Variants in DLG2 observed in about 807,000 individuals in gnomAD.
DLG2 encodes disks large homolog 2.
DLG2 carries 45 observed loss-of-function variants against 132.5 expected under a neutral mutation model. The ratio of observed to expected loss-of-function variants is 0.34; its 90% CI spans 0.27 to 0.44. The LOEUF is 0.44. Among genes scored for constraint, DLG2 ranks in the 20% least tolerant of loss-of-function variants. DLG2 has a pLI of 1.00. For missense variants in DLG2, 1,045 were observed against 1,196.9 expected, an observed-to-expected ratio of 0.87 and a Z score of 1.87; for synonymous variants, 424 against 419.6, an observed-to-expected ratio of 1.01 and a Z score of -0.13.
chr11:83,980,810 G>A lies in DLG2; in HGVS notation c.920-168C>T, dbSNP rs551575765. Among the ~76,000 whole-genome samples the A allele has an allele frequency of 2.6e-5, 4 of 152,270 alleles. No individual in the cohort carries two copies. The South Asian group carries it at 8.3e-4, about 32-fold the overall frequency. ...TTTCAATCTCGTTATTTAAATATTT[G>A]AAGAATTGTTAATGCAAATGAGGCA... is the stretch of plus-strand genomic sequence containing the variant. On this transcript the variant is annotated intron_variant, in intron 11 of 27. Coordinates refer to ENST00000376104, the MANE Select transcript of DLG2 (RefSeq NM_001142699.3).
At chr11:83,949,152 CT>C (rs2084791710) in intron 14 of DLG2, among the ~76,000 whole-genome samples, 2 of 152,094 alleles carry the variant, frequency 1.3e-5, no homozygotes, top group Admixed American at 1.3e-4. Flanking sequence ...ATGAAACATT[CT>C]TTTTCTCTAA....
intron 3 of DLG2, among the ~76,000 whole-genome samples, chr11:85,396,612 C>A (rs575832405): frequency 6.6e-6 from 1 of 152,062 alleles, no homozygotes; most frequent in African/African-American, 2.4e-5. Flanking sequence ...AACCACAGCA[C>A]GAGCACTTCG....
chr11:84,973,328 C>A (rs188881031), intron 6 of DLG2, among the ~76,000 whole-genome samples: 572 of 152,232 alleles, frequency 3.8e-3, no homozygotes, highest in Non-Finnish European at 6.5e-3. Context: ...GTCAGGAGAA[C>A]TGAGAATTAA....
intron 7 of DLG2, among the ~76,000 whole-genome samples, chr11:84,312,620 T>C (rs896864379): frequency 6.6e-6 from 1 of 152,124 alleles, no homozygotes; most frequent in Non-Finnish European, 1.5e-5. Flanking sequence ...ATTGTGGTTA[T>C]CTGCAGCACT....
chr11:84,489,047 AT>A (rs1345184776), intron 7 of DLG2, among the ~76,000 whole-genome samples: 1 of 152,188 alleles, frequency 6.6e-6, no homozygotes, highest in Non-Finnish European at 1.5e-5. Flanking sequence ...ATTTCACATA[AT>A]ATTGTAAACC....
intron 26 of DLG2, among the ~76,000 whole-genome samples, chr11:83,464,839 A>G (rs1016740874): frequency 2.6e-5 from 4 of 152,138 alleles, no homozygotes; most frequent in African/African-American, 9.7e-5. Flanking sequence ...TTATTTTTCT[A>G]TTTCTGAAAC....
intron 3 of DLG2, among the ~76,000 whole-genome samples, chr11:85,437,100 T>C (rs1362421147): frequency 6.6e-6 from 1 of 152,074 alleles, no homozygotes; most frequent in Non-Finnish European, 1.5e-5. Context: ...AGTTGAATAC[T>C]GAAAACACAT....
At chr11:83,920,540 A>T (rs1032315128) in intron 15 of DLG2, among the ~76,000 whole-genome samples, 2 of 152,120 alleles carry the variant, frequency 1.3e-5, no homozygotes, top group Non-Finnish European at 2.9e-5. Flanking sequence ...CTTTTATAAC[A>T]GTCTTTTGAA....
At position 85,618,690 on chromosome 11, in the gene DLG2, C is replaced by T. The variant is rs537651423; in HGVS notation, c.-93+7897G>A. ...TGACAGAATCATTCATATCCAAAAC[C>T]TCAGCATCACACAATATACTCATGT... On this transcript the variant is annotated intron_variant, in intron 2 of 27. Coordinates refer to ENST00000376104, the MANE Select transcript of DLG2 (RefSeq NM_001142699.3). Among the ~76,000 whole-genome samples, 3 of 152,294 alleles carry T rather than the reference C, an allele frequency of 2.0e-5. No homozygotes were observed. In the East Asian group the frequency reaches 5.8e-4, roughly 29 times the overall value.
chr11:84,550,720 G>A (rs752701607), intron 6 of DLG2, among the ~76,000 whole-genome samples: 18 of 152,090 alleles, frequency 1.2e-4, no homozygotes, highest in Non-Finnish European at 2.5e-4. Flanking sequence ...AAAGACTAAA[G>A]TTCCTTCCTA....
intron 6 of DLG2, among the ~76,000 whole-genome samples, chr11:84,868,145 T>C (rs1428425419): frequency 6.8e-6 from 1 of 147,568 alleles, no homozygotes; most frequent in African/African-American, 2.5e-5. Flanking sequence ...ATTTTATTAT[T>C]ATATTTATTA....
At chr11:84,942,479 A>G (rs2049576790) in intron 6 of DLG2, among the ~76,000 whole-genome samples, 1 of 152,180 alleles carries the variant, frequency 6.6e-6, no homozygotes, top group Admixed American at 6.5e-5. Flanking sequence ...CACACTAGGC[A>G]CATTCAAGAG....
chr11:84,228,360 G>A (rs1233531933), intron 8 of DLG2, among the ~76,000 whole-genome samples: 1 of 152,144 alleles, frequency 6.6e-6, no homozygotes, highest in Non-Finnish European at 1.5e-5. Flanking sequence ...GATCTCATTG[G>A]CACTTATTCA....
chr11:85,430,622 CCAAA>C (rs2091109874), intron 3 of DLG2, among the ~76,000 whole-genome samples: 1 of 151,896 alleles, frequency 6.6e-6, no homozygotes, highest in African/African-American at 2.4e-5. Flanking sequence ...CATAGAGCTC[CCAAA>C]ATATTTGCTT....
chr11:83,822,077 T>C (rs558696252), intron 17 of DLG2, among the ~76,000 whole-genome samples: 7 of 152,274 alleles, frequency 4.6e-5, no homozygotes, highest in Admixed American at 1.3e-4. Flanking sequence ...AAATACTGAC[T>C]TTGAAGCTGG....
At chr11:83,555,083 G>C (rs1196807150) in intron 19 of DLG2, among the ~76,000 whole-genome samples, 1 of 152,244 alleles carries the variant, frequency 6.6e-6, no homozygotes. Flanking sequence ...GACCAGGTTG[G>C]GAAGGCTTCC....
intron 6 of DLG2, among the ~76,000 whole-genome samples, chr11:84,669,251 G>A (rs1230828559): frequency 6.6e-6 from 1 of 152,024 alleles, no homozygotes; most frequent in African/African-American, 2.4e-5. Flanking sequence ...CAGTATGCTT[G>A]GTGTATTTGA....
At chr11:83,852,998 C>A (rs1236820951) in intron 16 of DLG2, among the ~76,000 whole-genome samples, 1 of 152,132 alleles carries the variant, frequency 6.6e-6, no homozygotes, top group African/African-American at 2.4e-5. Flanking sequence ...TTAGTCACAG[C>A]AAAATCTGAA....
At chr11:84,727,759 C>T (rs1156988480) in intron 6 of DLG2, among the ~76,000 whole-genome samples, 1 of 152,086 alleles carries the variant, frequency 6.6e-6, no homozygotes, top group East Asian at 1.9e-4. Flanking sequence ...TGTTTGTGTC[C>T]TCTCTTATTT....
Sources: allele counts gnomAD v4.1 joint callset (sites outside exome capture counted in the v4.1 genomes callset), GRCh38; gene constraint gnomAD v4.1.1; transcripts MANE v1.5; gene names NCBI Gene and HGNC (gene_info 2026-07-23, HGNC 2026-07-21).